The following LYPD8 variants were observed in gnomAD, a reference collection of about 807,000 sequenced individuals.
LYPD8 encodes ly6/PLAUR domain-containing protein 8.
Under a neutral mutation model 1.7 loss-of-function variants are expected in LYPD8, and 8 were observed. That is an observed-to-expected ratio of 4.58 (90% CI 2.69 to 8.27). The LOEUF is 8.27. LYPD8 is among the 30% of genes most tolerant of loss of function. The probability of loss-of-function intolerance (pLI) is 0.00; values close to 1 mark genes in which losing one functional copy is unlikely to be tolerated. For synonymous variants in LYPD8, 50 were observed against 43.6 expected (o/e 1.15, Z -0.58); for missense variants, 112 against 102.3 (o/e 1.09, Z -0.41).
At chr1:248,742,748 A>G (rs1378112290) in intron 6 of LYPD8, among the ~76,000 whole-genome samples, 33 of 41,796 alleles carry the variant, frequency 7.9e-4, no homozygotes, top group East Asian at 2.2e-3. Flanking sequence ...AGCCGGGGAG[A>G]TTATGCTCTG....
rs372143586 is a variant in LYPD8, at chr1:248,744,466, A to C, written c.475+676T>G. On this transcript the variant is annotated intron_variant, in intron 6 of 6. Transcript: ENST00000590317. ...CTTTAACTGTTTGGGCAAATGTTAG[A>C]AATGTGTATTTTACAATGGTTAGTA... 9.8e-5 allele frequency among the ~76,000 whole-genome samples: 15 copies of C among 152,374 alleles called. No individual in the cohort carries two copies. In the East Asian group the frequency reaches 2.3e-3, roughly 24 times the overall value.
chr1:248,744,144 A>G (rs560382226), intron 6 of LYPD8, among the ~76,000 whole-genome samples: 1 of 152,368 alleles, frequency 6.6e-6, no homozygotes, highest in African/African-American at 2.4e-5. Context: ...ACTGATGGCC[A>G]CTAATGTCCC....
intron 6 of LYPD8, among the ~76,000 whole-genome samples, chr1:248,742,717 TG>T (rs1237311607): frequency 3.3e-4 from 20 of 60,916 alleles, no homozygotes; most frequent in African/African-American, 1.8e-3. Flanking sequence ...GGGGAGATTA[TG>T]CTCTGGTGGG....
chr1:248,741,358 C>T (rs954998295), intron 6 of LYPD8, among the ~76,000 whole-genome samples: 1 of 152,188 alleles, frequency 6.6e-6, no homozygotes, highest in Non-Finnish European at 1.5e-5. Flanking sequence ...AGGCGCGTGC[C>T]ACCACATCTG....
intron 4 of LYPD8, among the ~76,000 whole-genome samples, chr1:248,749,931 A>G (rs1572155366): frequency 6.6e-6 from 1 of 152,248 alleles, no homozygotes; most frequent in East Asian, 1.9e-4. Flanking sequence ...GTAAAAAAAA[A>G]AACTATAGCA....
chr1:248,753,950 T>G (rs1662883342), intron 2 of LYPD8, among the ~76,000 whole-genome samples: 1 of 114,970 alleles, frequency 8.7e-6, no homozygotes. Flanking sequence ...TAACATCACA[T>G]GTCACACACA....
chr1:248,750,926 A>G, intron 3 of LYPD8, 104 bp downstream of exon 3: 1 of 398,530 alleles, frequency 2.5e-6, no homozygotes, highest in Admixed American at 4.4e-5. Context: ...ATCCCTGACC[A>G]TAATTTGACA....
At chr1:248,740,756 G>A (rs1558205230) in intron 6 of LYPD8, among the ~76,000 whole-genome samples, 1 of 151,572 alleles carries the variant, frequency 6.6e-6, no homozygotes, top group Non-Finnish European at 1.5e-5. Context: ...CTGGCTCTAG[G>A]ACCAGGCATG....
intron 2 of LYPD8, among the ~76,000 whole-genome samples, chr1:248,753,250 A>AACAC (rs1320995432): frequency 1.2e-5 from 1 of 80,078 alleles, no homozygotes; most frequent in Non-Finnish European, 2.4e-5. Context: ...CACCCCACAC[A>AACAC]ACACACACCG....
chr1:248,742,787 T>C (rs1320749678), intron 6 of LYPD8, among the ~76,000 whole-genome samples: 10 of 91,630 alleles, frequency 1.1e-4, no homozygotes, highest in Admixed American at 5.3e-4. Flanking sequence ...GGGGAGGTTA[T>C]GCTCTGGTGG....
chr1:248,741,203 C>A (rs1662591797), intron 6 of LYPD8, among the ~76,000 whole-genome samples: 1 of 152,196 alleles, frequency 6.6e-6, no homozygotes, highest in Non-Finnish European at 1.5e-5. Flanking sequence ...AGCATCAGTG[C>A]TGAAGTTTTT....
intron 2 of LYPD8, among the ~76,000 whole-genome samples, chr1:248,752,754 ACACACACCACACACCC>A: frequency 9.4e-6 from 1 of 106,920 alleles, no homozygotes; most frequent in Non-Finnish European, 2.0e-5. Flanking sequence ...CACACACCCC[ACACACACCACACACCC>A]CACACAACAC....
chr1:248,753,832 CAT>C (rs1348002092), intron 2 of LYPD8, among the ~76,000 whole-genome samples: 2,686 of 145,522 alleles, frequency 0.018, 90 homozygotes, highest in African/African-American at 0.066. Flanking sequence ...CATAACATCA[CAT>C]GTCACACACA....
chr1:248,743,404 G>T (rs551688293), intron 6 of LYPD8, among the ~76,000 whole-genome samples: 47 of 152,138 alleles, frequency 3.1e-4, no homozygotes, highest in Non-Finnish European at 5.6e-4. Context: ...GACGGAGGTT[G>T]CAGTGAGCTG....
intron 2 of LYPD8, among the ~76,000 whole-genome samples, chr1:248,754,565 C>T (rs1191821762): frequency 6.6e-6 from 1 of 151,686 alleles, no homozygotes; most frequent in African/African-American, 2.4e-5. Context: ...ACCCCACATG[C>T]CATTTATACC....
intron 6 of LYPD8, among the ~76,000 whole-genome samples, chr1:248,742,846 G>C (rs113085462): frequency 3.6e-5 from 4 of 110,280 alleles, no homozygotes; most frequent in Admixed American, 9.1e-5. Flanking sequence ...TGTTGGCAGC[G>C]GGGGAGGTTA....
chr1:248,754,037 C>A (rs1662885273), intron 2 of LYPD8, among the ~76,000 whole-genome samples: 1 of 147,466 alleles, frequency 6.8e-6, no homozygotes, highest in East Asian at 2.1e-4. Context: ...ACACACCACA[C>A]ATCACATGTC....
intron 6 of LYPD8, among the ~76,000 whole-genome samples, chr1:248,740,192 G>A (rs894410294): frequency 3.9e-5 from 6 of 152,168 alleles, no homozygotes; most frequent in African/African-American, 1.4e-4. Context: ...TGGAAGGTGA[G>A]GAAACCAGGA....
intron 5 of LYPD8, among the ~76,000 whole-genome samples, chr1:248,746,037 T>C (rs1662722345): frequency 6.6e-6 from 1 of 152,224 alleles, no homozygotes; most frequent in African/African-American, 2.4e-5. Flanking sequence ...AGTCAGAAAC[T>C]AAAGAATTTC....
Sources: gnomAD v4.1 joint callset for allele counts (sites outside exome capture counted in the v4.1 genomes callset) on GRCh38, gnomAD v4.1.1 for gene constraint, MANE v1.5 for transcripts, NCBI Gene and HGNC (gene_info 2026-07-23, HGNC 2026-07-21) for gene names.